Variants in TRIM6 observed in about 807,000 individuals in gnomAD.
TRIM6 encodes the protein tripartite motif-containing protein 6.
A neutral mutation model predicts 51.2 loss-of-function variants in TRIM6; 43 were observed. The ratio of observed to expected loss-of-function variants is 0.84; its 90% CI spans 0.66 to 1.08. The LOEUF (loss-of-function observed/expected upper bound fraction) is 1.08, where lower values mean the gene tolerates loss of function less well. Ranked by LOEUF, TRIM6 falls within the 50% of genes least tolerant of loss-of-function variation. TRIM6 has a pLI of 0.00. For missense variants in TRIM6, 669 were observed against 619.0 expected, an observed-to-expected ratio of 1.08 and a Z score of -0.86; for synonymous variants, 215 against 232.4, an observed-to-expected ratio of 0.93 and a Z score of 0.68.
At chr11:5,600,940 A>C (rs1478394190) in intron 1 of TRIM6, among the ~76,000 whole-genome samples, 3 of 152,198 alleles carry the variant, frequency 2.0e-5, no homozygotes, top group Non-Finnish European at 4.4e-5. Context: ...AACAGTTTTA[A>C]AAATTTTCTA....
In TRIM6 at chr11:5,604,164, G is replaced by GTAT. The variant is rs199778659; in HGVS notation, c.508-369_508-368insATT. Among the ~76,000 whole-genome samples, 1,050 of 145,522 alleles carry GTAT rather than the reference G, an allele frequency of 7.2e-3. 14 individuals are homozygous for GTAT. The highest frequency in any genetic ancestry group is 0.024 in the African/African-American group (969 of 40,816). ...TGTGCACCACCATGCCCAGCTAATT[G>GTAT]TGTGTGTGTGTGCGTGTGTGTGTGT... On this transcript the variant is annotated intron_variant, in intron 2 of 7. Coordinates refer to ENST00000380097, the MANE Select transcript of TRIM6 (RefSeq NM_001003818.3).
chr11:5,606,191 T>C (rs1334516281), intron 4 of TRIM6, among the ~76,000 whole-genome samples: 1 of 152,224 alleles, frequency 6.6e-6, no homozygotes, highest in South Asian at 2.1e-4. Flanking sequence ...CAGCCCTTCT[T>C]TGTTTTCACT....
chr11:5,603,542 T>C lies in TRIM6; in HGVS notation c.314T>C (p.Ile105Thr), dbSNP rs1848000539. The change falls in exon 2 of 8, where the codon ATA (isoleucine) becomes ACA (threonine). Residue 105 changes from isoleucine to threonine, a missense_variant. Transcript: ENST00000380097. ...CGGCCTAATCGGCATCTGGCCAACA[T>C]AGTGAGGCGGCTCAGAGAGGTAGTG... is the stretch of plus-strand genomic sequence containing the variant. ...NLRPNRHLAN[I>T]VRRLREVVLG... The C allele has an allele frequency of 6.2e-7, 1 of 1,613,842 alleles. No homozygotes were observed. Among genetic ancestry groups the C allele is most frequent in the South Asian group, 1.1e-5 (1 of 91,056 alleles).
At chr11:5,608,440 G>A (rs1342171892) in intron 5 of TRIM6, 46 bp downstream of exon 5, 1 of 1,610,614 alleles carries the variant, frequency 6.2e-7, no homozygotes, top group Non-Finnish European at 8.5e-7. Context: ...ACTGACAAAT[G>A]ATTCCTTTAC....
rs1176936184 is a variant in TRIM6 at position 5,612,017 on chromosome 11, G to C, written c.*675G>C. 6.6e-6 allele frequency: 1 copy of C among 152,064 alleles called. No homozygotes were observed. 9.4% of individuals were successfully genotyped at this position (152,064 alleles called of 1,614,324 possible). ...TTTTCTGTAAATTATTGAGACAATT[G>C]TGTATCATTTTTGTTCTGTTAATGT... On this transcript the variant is annotated 3_prime_UTR_variant, in exon 8 of 8. Transcript: ENST00000380097.
chr11:5,611,352 T>C lies in TRIM6; in HGVS notation c.*10T>C, dbSNP rs769959994. The C allele has an allele frequency of 6.2e-6, 10 of 1,602,416 alleles. No individual in the cohort carries two copies. Among genetic ancestry groups the C allele is most frequent in the Non-Finnish European group, 8.5e-6 (10 of 1,171,436 alleles). ...TCGTCCAAGCTCTTGAATATTCTTC[T>C]GTTCCCACCCACTTCTGATAAGTAC... On this transcript the variant is annotated 3_prime_UTR_variant, in exon 8 of 8. Coordinates refer to ENST00000380097, the MANE Select transcript of TRIM6 (RefSeq NM_001003818.3).
chr11:5,596,637 A>G lies in TRIM6; in HGVS notation c.-261A>G, dbSNP rs1344771580. On this transcript the variant is annotated 5_prime_UTR_variant, in exon 1 of 8. Coordinates refer to ENST00000380097, the MANE Select transcript of TRIM6 (RefSeq NM_001003818.3). ...CACCCCAGGCGGCCCGACTCCTCCC[A>G]GAAGGAGTTGGGAGATGAGCCTTCC... The G allele has an allele frequency of 4.7e-5, 19 of 403,658 alleles. No homozygotes were observed. Among genetic ancestry groups the G allele is most frequent in the Non-Finnish European group, 3.9e-5 (9 of 229,040 alleles). The allele number at this position is 403,658 out of a possible 1,614,324, so 25.0% of individuals were successfully genotyped here. A position where few individuals can be genotyped will look rare whatever the true frequency, so the allele number is the denominator to read the frequency against.
chr11:5,608,521 T>G, intron 5 of TRIM6, 127 bp downstream of exon 5: 1 of 1,413,926 alleles, frequency 7.1e-7, no homozygotes, highest in Non-Finnish European at 9.5e-7. Context: ...GAATCGCGCA[T>G]CACATGGAGT....
chr11:5,596,609 C>T (rs375668506), upstream of TRIM6: 1 of 262,388 alleles, frequency 3.8e-6, no homozygotes, highest in Non-Finnish European at 7.2e-6. Flanking sequence ...ACCGTTTATC[C>T]CCCACCCCAG....
At chr11:5,602,956 A>T (rs1240057986) in intron 1 of TRIM6, among the ~76,000 whole-genome samples, 6 of 152,164 alleles carry the variant, frequency 3.9e-5, no homozygotes, top group Non-Finnish European at 8.8e-5. Flanking sequence ...TCCATCTCAA[A>T]AAAGAAAAAA....
In TRIM6 at chr11:5,611,804, G is replaced by C. The variant is rs574233282; in HGVS notation, c.*462G>C. Reference sequence around the variant, plus strand: ...AGTACTAGGATGCACCCAGTGGTGAGAGTAAGCATCTTTGACTGATGACAG... The same window carrying C: ...AGTACTAGGATGCACCCAGTGGTGACAGTAAGCATCTTTGACTGATGACAG... On this transcript the variant is annotated 3_prime_UTR_variant, in exon 8 of 8. Coordinates refer to ENST00000380097, the MANE Select transcript of TRIM6 (RefSeq NM_001003818.3). 51 of 158,072 alleles carry C rather than the reference G, an allele frequency of 3.2e-4. No individual in the cohort carries two copies. Among genetic ancestry groups the C allele is most frequent in the South Asian group, 2.5e-3 (14 of 5,538 alleles). 9.8% of individuals were successfully genotyped at this position (158,072 alleles called of 1,614,324 possible). A position where few individuals can be genotyped will look rare whatever the true frequency, so the allele number is the denominator to read the frequency against.
At chr11:5,608,858 T>C (rs904733048) in intron 5 of TRIM6, among the ~76,000 whole-genome samples, 1 of 144,186 alleles carries the variant, frequency 6.9e-6, no homozygotes, top group Non-Finnish European at 1.5e-5. Flanking sequence ...TTTTTTTTTT[T>C]TTTTTTTTTT....
chr11:5,602,173 G>A (rs965536980), intron 1 of TRIM6, among the ~76,000 whole-genome samples: 3 of 152,234 alleles, frequency 2.0e-5, no homozygotes, highest in African/African-American at 4.8e-5. Flanking sequence ...GGGTGCAGTG[G>A]CTCATGCCTG....
At chr11:5,598,814 T>C (rs976805544) in intron 1 of TRIM6, among the ~76,000 whole-genome samples, 124 of 152,354 alleles carry the variant, frequency 8.1e-4, no homozygotes, top group African/African-American at 2.5e-3. Context: ...TATTGAGTTC[T>C]ATCTAGTAAG....
Position 5,605,240 on chromosome 11 carries a change from C to T in TRIM6, c.604-97C>T, listed in dbSNP as rs1848134552. 34 of 1,541,218 alleles carry T rather than the reference C, an allele frequency of 2.2e-5. 1 individual carries two copies. The South Asian group carries it at 3.7e-4, about 17-fold the overall frequency. The stretch of plus-strand genomic sequence containing the variant: ...CCTCCCTCTCCCTGGGAGGCTTGGC[C>T]CAGGAAAGCAGTCCTGAGCCCAACT... On this transcript the variant is annotated intron_variant, in intron 3 of 7. Coordinates refer to ENST00000380097, the MANE Select transcript of TRIM6 (RefSeq NM_001003818.3).
chr11:5,604,704 C>A, intron 3 of TRIM6, 75 bp downstream of exon 3: 1 of 1,483,488 alleles, frequency 6.7e-7, no homozygotes, highest in Non-Finnish European at 9.1e-7. Context: ...GCAAAGGAGT[C>A]CTTGTCCTGT....
At chr11:5,605,224 C>T (rs1848133316) in intron 3 of TRIM6, 113 bp from the exon 4 acceptor site, 1 of 1,400,358 alleles carries the variant, frequency 7.1e-7, no homozygotes, top group Non-Finnish European at 1.0e-6. Flanking sequence ...CCCTCCCTCT[C>T]CCTGGGAGGC....
At chr11:5,600,150 G>A (rs140708622) in intron 1 of TRIM6, among the ~76,000 whole-genome samples, 81 of 152,246 alleles carry the variant, frequency 5.3e-4, no homozygotes, top group African/African-American at 1.8e-3. Flanking sequence ...ACCCTTTATG[G>A]AGATGAGGAA....
At chr11:5,607,545 C>G (rs1313158104) in intron 4 of TRIM6, among the ~76,000 whole-genome samples, 1 of 152,042 alleles carries the variant, frequency 6.6e-6, no homozygotes, top group Non-Finnish European at 1.5e-5. Context: ...ATAAAAAGAC[C>G]AAATAGAAAG....
Sources: gnomAD v4.1 joint callset for allele counts (sites outside exome capture counted in the v4.1 genomes callset) on GRCh38, gnomAD v4.1.1 for gene constraint, MANE v1.5 for transcripts, NCBI Gene and HGNC (gene_info 2026-07-23, HGNC 2026-07-21) for gene names.